Variants in IVD observed in about 807,000 individuals in gnomAD.
IVD encodes isovaleryl-CoA dehydrogenase, mitochondrial.
Under a neutral mutation model 51.3 loss-of-function variants are expected in IVD, and 31 were observed. That is an observed-to-expected ratio of 0.60 (90% CI 0.45 to 0.81). The LOEUF is 0.81. Ranked by LOEUF, IVD falls within the 40% of genes least tolerant of loss-of-function variation. IVD has a pLI of 0.00. For missense variants in IVD, 475 were observed against 552.0 expected (o/e 0.86, Z 1.40); for synonymous variants, 205 against 219.4 (o/e 0.93, Z 0.58).
chr15:40,419,253 G>A lies in IVD; in HGVS notation c.*990G>A. On this transcript the variant is annotated 3_prime_UTR_variant, in exon 12 of 12. Coordinates refer to ENST00000487418, the MANE Select transcript of IVD (RefSeq NM_002225.5). ...TGGCCAGGCAAGGTGGTGTGTGCCT[G>A]TAATCCCAGCACTTTGGGAGGCCAA... The A allele has an allele frequency of 1.6e-6, 2 of 1,287,920 alleles. No homozygotes were observed. Among genetic ancestry groups the A allele is most frequent in the Non-Finnish European group, 2.0e-6 (2 of 987,508 alleles). The allele number at this position is 1,287,920 out of a possible 1,614,324, so 79.8% of individuals were successfully genotyped here.
At chr15:40,421,553 G>A (rs73385137), downstream of IVD, among the ~76,000 whole-genome samples, 192 of 152,258 alleles carry the variant, frequency 1.3e-3, no homozygotes, top group African/African-American at 4.5e-3. Context: ...TTTTAAGCGT[G>A]GTCTGAGCAC....
In IVD at chr15:40,415,489, C is replaced by A. The variant is rs113361784; in HGVS notation, c.960+7C>A. The A allele has an allele frequency of 2.5e-6, 4 of 1,613,126 alleles. No individual in the cohort carries two copies. The highest frequency in any genetic ancestry group is 2.2e-5 in the South Asian group (2 of 90,936). On this transcript the variant is annotated splice_region_variant and intron_variant, in intron 9 of 11. Coordinates refer to ENST00000487418, the MANE Select transcript of IVD (RefSeq NM_002225.5). ...GAAGATCGGCCACTTCCAGGTGAGC[C>A]GAGTGCTTTTGCTGACATGTACTCT... is the stretch of plus-strand genomic sequence containing the variant.
rs1238566157 is a variant in IVD at position 40,416,189 on chromosome 15, G to C, written c.1065+7G>C. 1 of 1,613,676 alleles carries C rather than the reference G, an allele frequency of 6.2e-7. No individual in the cohort carries two copies. Among genetic ancestry groups the C allele is most frequent in the Non-Finnish European group, 8.5e-7 (1 of 1,179,656 alleles). ...GGGCCATTGCACTGCTAAGGTGAGG[G>C]CCAGCCTCAGTCGGGGAGAGGCGGG... On this transcript the variant is annotated splice_region_variant and intron_variant, in intron 10 of 11. Coordinates refer to ENST00000487418, the MANE Select transcript of IVD (RefSeq NM_002225.5).
At chr15:40,425,439 A>AAT (rs1566949596), downstream of IVD, among the ~76,000 whole-genome samples, 6 of 73,484 alleles carry the variant, frequency 8.2e-5, 1 homozygote, top group African/African-American at 2.6e-4. Flanking sequence ...CTGGACTCAT[A>AAT]CTATATATAT....
downstream of IVD, among the ~76,000 whole-genome samples, chr15:40,421,829 C>A (rs556586843): frequency 6.6e-6 from 1 of 152,320 alleles, no homozygotes; most frequent in East Asian, 1.9e-4. Context: ...TCGCGCAGGG[C>A]CCCCTTTCAG....
downstream of IVD, among the ~76,000 whole-genome samples, chr15:40,422,567 G>A (rs1379652833): frequency 7.8e-6 from 1 of 128,102 alleles, no homozygotes; most frequent in African/African-American, 2.9e-5. Context: ...ACAGGCGTGA[G>A]CCACCGCGCC....
At chr15:40,435,066 G>T (rs1284818173) in intron 8 of IVD, among the ~76,000 whole-genome samples, 1 of 152,240 alleles carries the variant, frequency 6.6e-6, no homozygotes, top group African/African-American at 2.4e-5. Context: ...GTGAAATGGC[G>T]ATAGTAATTG....
At chr15:40,424,219 A>T, downstream of IVD, 1 of 1,286,138 alleles carries the variant, frequency 7.8e-7, no homozygotes, top group Non-Finnish European at 1.0e-6. Flanking sequence ...CAGCACCTGT[A>T]AGATCTAAGG....
downstream of IVD, among the ~76,000 whole-genome samples, chr15:40,425,673 A>G (rs532548174): frequency 2.6e-5 from 4 of 152,158 alleles, no homozygotes; most frequent in East Asian, 5.8e-4. Context: ...GGGATTTGCC[A>G]TAAAGCTCAG....
At chr15:40,435,821 C>T, downstream of IVD, 1 of 606,320 alleles carries the variant, frequency 1.6e-6, no homozygotes, top group Non-Finnish European at 2.1e-6. Context: ...AGGCTCCGCT[C>T]TCGGCTTAGC....
intron 3 of IVD, among the ~76,000 whole-genome samples, chr15:40,410,398 G>A (rs1244185728): frequency 6.6e-6 from 1 of 152,228 alleles, no homozygotes; most frequent in Non-Finnish European, 1.5e-5. Context: ...AGCAGAAGTT[G>A]CAATGATTGC....
Position 40,435,513 on chromosome 15 carries a change from G to T in IVD, c.878G>T (p.Cys293Phe), listed in dbSNP as rs1285113336. Reference sequence around the variant, plus strand: ...GTGAGCACTGCGAGGGAACTGAGATGCAAGATCCTCCTGCCTGAACTCACA... The same window carrying T: ...GTGAGCACTGCGAGGGAACTGAGATTCAAGATCCTCCTGCCTGAACTCACA... The change falls in exon 9 of 9, where the codon TGC becomes TTC. Residue 293 changes from cysteine to phenylalanine, a missense_variant. Coordinates refer to the IVD transcript ENST00000473112. 9 of 1,249,928 alleles carry T rather than the reference G, an allele frequency of 7.2e-6. No homozygotes were observed. The Admixed American group carries it at 2.2e-4, about 30-fold the overall frequency. The allele number at this position is 1,249,928 out of a possible 1,614,324, so 77.4% of individuals were successfully genotyped here.
intron 7 of IVD, among the ~76,000 whole-genome samples, chr15:40,413,831 C>T (rs1273278184): frequency 6.6e-6 from 1 of 152,004 alleles, no homozygotes; most frequent in Non-Finnish European, 1.5e-5. Context: ...GCTGGGATTA[C>T]AGGCATGCGC....
At chr15:40,423,211 T>G (rs768279827), downstream of IVD, among the ~76,000 whole-genome samples, 7 of 152,230 alleles carry the variant, frequency 4.6e-5, no homozygotes, top group Non-Finnish European at 1.0e-4. Flanking sequence ...GTGTTGGGAT[T>G]ATAGGCGTTG....
chr15:40,434,031 AGGG>A, intron 8 of IVD: 3 of 403,684 alleles, frequency 7.4e-6, no homozygotes, highest in Admixed American at 2.8e-5. Flanking sequence ...GCCACAGTGC[AGGG>A]CAAGGATCAC....
chr15:40,431,619 T>C (rs1361511525), intron 7 of IVD, among the ~76,000 whole-genome samples: 1 of 151,364 alleles, frequency 6.6e-6, no homozygotes, highest in Non-Finnish European at 1.5e-5. Flanking sequence ...GGTGTGAACT[T>C]GGAAGGCAGA....
rs940076500 is a variant in IVD, at chr15:40,414,465, C to G, written c.785-424C>G. On this transcript the variant is annotated intron_variant, in intron 7 of 11. Transcript: ENST00000487418. ...CCTGTCTCCTGGACAAAGAAGCTTT[C>G]ACGGACTACTCTGCAGGGAGGTGAC... is the stretch of plus-strand genomic sequence containing the variant. 108 of 239,892 alleles carry G rather than the reference C, an allele frequency of 4.5e-4. 7 individuals carry two copies. The highest frequency in any genetic ancestry group is 2.3e-4 in the South Asian group (4 of 17,294). The allele number at this position is 239,892 out of a possible 1,614,324, so 14.9% of individuals were successfully genotyped here.
At chr15:40,409,306 CAGG>C (rs1890796641) in intron 3 of IVD, among the ~76,000 whole-genome samples, 1 of 151,770 alleles carries the variant, frequency 6.6e-6, no homozygotes, top group Non-Finnish European at 1.5e-5. Flanking sequence ...GAGGCCAAGG[CAGG>C]AGGATCGCTT....
downstream of IVD, among the ~76,000 whole-genome samples, chr15:40,425,147 A>AC (rs1427233670): frequency 6.6e-6 from 1 of 152,236 alleles, no homozygotes; most frequent in East Asian, 1.9e-4. Context: ...GAGCAGAGCC[A>AC]CACAGCCTTT....
Sources: gnomAD v4.1 joint callset for allele counts (sites outside exome capture counted in the v4.1 genomes callset) on GRCh38, gnomAD v4.1.1 for gene constraint, MANE v1.5 for transcripts, NCBI Gene and HGNC (gene_info 2026-07-23, HGNC 2026-07-21) for gene names.